Variants in HMGCLL1 observed in about 807,000 individuals in gnomAD.
HMGCLL1 encodes 3-hydroxy-3-methylglutaryl-CoA lyase like 1, also known as 3-hydroxymethyl-3-methylglutaryl-CoA lyase, cytoplasmic.
A neutral mutation model predicts 39.1 loss-of-function variants in HMGCLL1; 36 were observed. The ratio of observed to expected loss-of-function variants is 0.92; its 90% CI spans 0.71 to 1.22. The LOEUF is 1.22. HMGCLL1 is among the 50% of genes most tolerant of loss of function. The pLI is 0.00. For missense variants in HMGCLL1, 451 were observed against 416.5 expected, an observed-to-expected ratio of 1.08 and a Z score of -0.72; for synonymous variants, 149 against 144.0, an observed-to-expected ratio of 1.03 and a Z score of -0.25.
At chr6:55,439,798 A>T in intron 7 of HMGCLL1, 1 of 364,130 alleles carries the variant, frequency 2.7e-6, no homozygotes, top group East Asian at 4.2e-5. Context: ...ATAATCTTTG[A>T]TCAAAAGTAA....
intron 7 of HMGCLL1, among the ~76,000 whole-genome samples, chr6:55,477,448 A>ATAAT (rs1554143348): frequency 2.5e-4 from 14 of 56,168 alleles, no homozygotes; most frequent in Non-Finnish European, 4.2e-4. Flanking sequence ...TTATATATAT[A>ATAAT]ATATATTACA....
intron 1 of HMGCLL1, among the ~76,000 whole-genome samples, chr6:55,561,472 C>T (rs868008054): frequency 6.6e-6 from 1 of 152,020 alleles, no homozygotes; most frequent in East Asian, 1.9e-4. Context: ...CCCTGTAGAA[C>T]CTGTTAAAGC....
upstream of HMGCLL1, among the ~76,000 whole-genome samples, chr6:55,583,855 A>T (rs1772025515): frequency 6.6e-6 from 1 of 152,168 alleles, no homozygotes; most frequent in Admixed American, 6.5e-5. Flanking sequence ...TCTCATAACG[A>T]TATAATAAAT....
chr6:55,652,977 T>C, the HMGCLL1 span, among the ~76,000 whole-genome samples: 1 of 152,092 alleles, frequency 6.6e-6, no homozygotes, highest in South Asian at 2.1e-4. Flanking sequence ...TCCTTATCTC[T>C]TTACCTAGTT....
the HMGCLL1 span, among the ~76,000 whole-genome samples, chr6:55,623,489 ACTT>A: frequency 6.6e-6 from 1 of 151,586 alleles, no homozygotes; most frequent in Non-Finnish European, 1.5e-5. Flanking sequence ...TTCTTTCTTA[ACTT>A]CTTCATTGAC....
intron 8 of HMGCLL1, among the ~76,000 whole-genome samples, chr6:55,436,785 ATTAC>A (rs1763388234): frequency 6.6e-6 from 1 of 152,040 alleles, no homozygotes; most frequent in Non-Finnish European, 1.5e-5. Flanking sequence ...GATATAGCTA[ATTAC>A]TTATCTCTTT....
chr6:55,520,614 G>T (rs1767988947), intron 3 of HMGCLL1, among the ~76,000 whole-genome samples: 2 of 151,804 alleles, frequency 1.3e-5, no homozygotes, highest in Non-Finnish European at 2.9e-5. Context: ...TTCTCTTGGG[G>T]AGTTTATGTT....
At chr6:55,587,016 T>A in the HMGCLL1 span, among the ~76,000 whole-genome samples, 2 of 152,028 alleles carry the variant, frequency 1.3e-5, no homozygotes, top group African/African-American at 4.8e-5. Flanking sequence ...CCACCAACAG[T>A]GTAAAAGTGT....
chr6:55,650,134 T>TATATAC, the HMGCLL1 span, among the ~76,000 whole-genome samples: 17 of 53,316 alleles, frequency 3.2e-4, no homozygotes, highest in South Asian at 1.5e-3. Context: ...TATATATATA[T>TATATAC]ACACACACAC....
chr6:55,581,316 ATT>A (rs1246612807), upstream of HMGCLL1, among the ~76,000 whole-genome samples: 1 of 152,100 alleles, frequency 6.6e-6, no homozygotes, highest in African/African-American at 2.4e-5. Context: ...ATATAAAAGT[ATT>A]TGTTTTTTAT....
chr6:55,499,256 T>C lies in HMGCLL1; in HGVS notation c.586A>G (p.Thr196Ala). Residue 196 changes from threonine to alanine, a missense_variant, in exon 6 of 9, where the codon ACA (threonine) becomes GCA (alanine). By Grantham distance (58) the Thr-to-Ala change is moderately conservative. Coordinates refer to ENST00000274901, the MANE Select transcript of HMGCLL1 (RefSeq NM_001042406.2). ...ALGCPYEGSI[T>A]PQKVTEVSKR... ...CTTACTTCTGTCACTTTTTGCGGTGTAATACTTCCTTCATATGGACAGCCC... is the reference window on the plus strand; with the variant it reads ...CTTACTTCTGTCACTTTTTGCGGTGCAATACTTCCTTCATATGGACAGCCC... 2 of 1,610,634 alleles carry C rather than the reference T, an allele frequency of 1.2e-6. No individual in the cohort carries two copies. Among genetic ancestry groups the C allele is most frequent in the Non-Finnish European group, 8.5e-7 (1 of 1,178,192 alleles).
chr6:55,544,526 G>A, intron 1 of HMGCLL1, among the ~76,000 whole-genome samples: 1 of 152,078 alleles, frequency 6.6e-6, no homozygotes, highest in East Asian at 1.9e-4. Context: ...CTTTTATCAG[G>A]AATGATGAAT....
the HMGCLL1 span, among the ~76,000 whole-genome samples, chr6:55,641,111 T>C: frequency 6.6e-6 from 1 of 151,230 alleles, no homozygotes; most frequent in South Asian, 2.1e-4. Flanking sequence ...AACATACAAA[T>C]ATGATAAATA....
At chr6:55,490,112 G>A (rs978135351) in intron 7 of HMGCLL1, among the ~76,000 whole-genome samples, 6 of 152,048 alleles carry the variant, frequency 3.9e-5, no homozygotes, top group African/African-American at 1.4e-4. Flanking sequence ...TTACTTCCCT[G>A]TGTATATCTG....
chr6:55,493,052 A>G (rs1766395208), intron 7 of HMGCLL1, among the ~76,000 whole-genome samples: 1 of 149,790 alleles, frequency 6.7e-6, no homozygotes. Context: ...TTTATATATT[A>G]TATATTAACA....
At chr6:55,617,139 C>G in the HMGCLL1 span, among the ~76,000 whole-genome samples, 1 of 151,920 alleles carries the variant, frequency 6.6e-6, no homozygotes, top group African/African-American at 2.4e-5. Context: ...ATCATCCTGT[C>G]ACAAAAAAAA....
chr6:55,484,997 T>C (rs1030593820), intron 7 of HMGCLL1, among the ~76,000 whole-genome samples: 1 of 152,156 alleles, frequency 6.6e-6, no homozygotes, highest in African/African-American at 2.4e-5. Flanking sequence ...CCTTACTCAC[T>C]TATCTCCAGC....
chr6:55,594,436 G>GT, the HMGCLL1 span, among the ~76,000 whole-genome samples: 1 of 152,122 alleles, frequency 6.6e-6, no homozygotes, highest in Non-Finnish European at 1.5e-5. Flanking sequence ...GCCAAGGTGA[G>GT]TTAAGTCAAC....
At chr6:55,647,796 TTTAGGGTACATGTGCACATTGTGCAGG>T in the HMGCLL1 span, among the ~76,000 whole-genome samples, 1 of 137,492 alleles carries the variant, frequency 7.3e-6, no homozygotes, top group Non-Finnish European at 1.6e-5. Flanking sequence ...TACTCTAAGT[TTTAGGGTACATGTGCACATTGTGCAGG>T]TTAGTTACAT....
Sources: allele counts gnomAD v4.1 joint callset (sites outside exome capture counted in the v4.1 genomes callset), GRCh38; gene constraint gnomAD v4.1.1; transcripts MANE v1.5; gene names NCBI Gene and HGNC (gene_info 2026-07-23, HGNC 2026-07-21).